Variants in THSD7A observed in about 807,000 individuals in gnomAD.
The protein encoded by THSD7A is thrombospondin type-1 domain-containing protein 7A.
A neutral mutation model predicts 231.3 loss-of-function variants in THSD7A; 96 were observed. The observed-to-expected ratio is 0.41, with a 90% CI of 0.35 to 0.49. The LOEUF (loss-of-function observed/expected upper bound fraction) is 0.49, where lower values mean the gene tolerates loss of function less well. Ranked by LOEUF, THSD7A falls within the 20% of genes least tolerant of loss-of-function variation. The pLI is 0.05. For missense variants in THSD7A, 2,290 were observed against 2,070.2 expected (o/e 1.11, Z -2.06); for synonymous variants, 940 against 743.3 (o/e 1.26, Z -4.30).
chr7:11,672,683 T>A (rs1160295050), intron 1 of THSD7A, among the ~76,000 whole-genome samples: 1 of 152,178 alleles, frequency 6.6e-6, no homozygotes, highest in Non-Finnish European at 1.5e-5. Flanking sequence ...TTGGGAGCAT[T>A]TGAATCATTT....
rs940691747 is a variant in THSD7A, at chr7:11,376,610, C to A, written c.4849G>T (p.Val1617Leu). 7 of 1,588,626 alleles carry A rather than the reference C, an allele frequency of 4.4e-6. No homozygotes were observed. In the African/African-American group the frequency reaches 6.7e-5, roughly 15 times the overall value. The change falls in exon 27 of 28, where the codon GTG becomes TTG. Residue 1617 changes from valine to leucine, a missense_variant. By Grantham distance (32) the Val-to-Leu change is conservative. Coordinates refer to ENST00000423059, the MANE Select transcript of THSD7A (RefSeq NM_015204.3). ...ATGGAGACAATAAAGATGAGTAACA[C>A]AAATGCCCCAGCTGCTACACCGTAA... The part of the protein sequence containing the change: ...WVYGVAAGAF[V>L]LLIFIVSMIY...
chr7:11,682,068 T>G (rs1783890893), intron 1 of THSD7A, among the ~76,000 whole-genome samples: 1 of 152,044 alleles, frequency 6.6e-6, no homozygotes, highest in Non-Finnish European at 1.5e-5. Context: ...AGGGAGTTTG[T>G]TACCATCAGA....
rs1784898997 is a variant in THSD7A at position 11,444,469 on chromosome 7, G to A, written c.3064+1592C>T. Among the ~76,000 whole-genome samples, 1 of 151,786 alleles carries A rather than the reference G, an allele frequency of 6.6e-6. No homozygotes were observed. Among genetic ancestry groups the A allele is most frequent in the South Asian group, 2.1e-4 (1 of 4,820 alleles). ...TATACATCATAAAATGGATGAAGCTGGAAACCGTCATGCCCAGCAAACTAA... is the reference window on the plus strand; with the variant it reads ...TATACATCATAAAATGGATGAAGCTAGAAACCGTCATGCCCAGCAAACTAA... On this transcript the variant is annotated intron_variant, in intron 13 of 27. Transcript: ENST00000423059. This position sits in a 1 kb window ranked among gnomAD's most constrained non-coding sequence, Gnocchi z 4.2.
At chr7:11,713,876 T>C (rs1191652036) in intron 1 of THSD7A, among the ~76,000 whole-genome samples, 2 of 151,280 alleles carry the variant, frequency 1.3e-5, no homozygotes, top group South Asian at 2.1e-4. Flanking sequence ...CTTTTTTCAA[T>C]TGGTGATAAT....
chr7:11,382,793 C>T (rs1481372919), intron 23 of THSD7A, among the ~76,000 whole-genome samples, 177 bp from the exon 24 acceptor site: 1 of 151,940 alleles, frequency 6.6e-6, no homozygotes, highest in Admixed American at 6.6e-5. Flanking sequence ...CTATATACCT[C>T]AATCCCAACT....
At chr7:11,539,034 C>T (rs547893468) in intron 6 of THSD7A, among the ~76,000 whole-genome samples, 3 of 152,266 alleles carry the variant, frequency 2.0e-5, no homozygotes, top group East Asian at 1.9e-4. Flanking sequence ...TGCCCCTAGT[C>T]GAGCTTTAAC....
At chr7:11,790,391 G>A (rs1472120925) in intron 1 of THSD7A, among the ~76,000 whole-genome samples, 1 of 151,784 alleles carries the variant, frequency 6.6e-6, no homozygotes, top group Non-Finnish European at 1.5e-5. Context: ...TCAGAAAAAA[G>A]CAACCAGTTC....
In THSD7A at chr7:11,634,628, T is replaced by C. The variant is rs1191891164; in HGVS notation, c.1022+1502A>G. On this transcript the variant is annotated intron_variant, in intron 2 of 27. Transcript: ENST00000423059. This position sits in a 1 kb window ranked among gnomAD's most constrained non-coding sequence, Gnocchi z 4.1. ...ACACACACATACACACACACACATT[T>C]AAGGAGTTGTAGGAAACCTGGAGAA... Among the ~76,000 whole-genome samples the C allele has an allele frequency of 6.6e-6, 1 of 151,608 alleles. No homozygotes were observed. The highest frequency in any genetic ancestry group is 1.5e-5 in the Non-Finnish European group (1 of 67,852).
intron 11 of THSD7A, among the ~76,000 whole-genome samples, chr7:11,451,836 G>C (rs1275122213): frequency 6.6e-6 from 1 of 151,950 alleles, no homozygotes; most frequent in Non-Finnish European, 1.5e-5. Context: ...TTTTTGAAGA[G>C]GAATGAAATT....
chr7:11,386,346 G>A (rs769915075), intron 23 of THSD7A, among the ~76,000 whole-genome samples: 7 of 152,134 alleles, frequency 4.6e-5, no homozygotes, highest in Non-Finnish European at 1.0e-4. Flanking sequence ...GTGTAAAAGC[G>A]TTCCTGTTTC....
chr7:11,488,202 G>C (rs1359036402), intron 6 of THSD7A, among the ~76,000 whole-genome samples: 2 of 152,038 alleles, frequency 1.3e-5, no homozygotes, highest in Non-Finnish European at 2.9e-5. Flanking sequence ...AATTATTACT[G>C]AGTTTTTGAT....
At chr7:11,499,367 G>T (rs1185691820) in intron 6 of THSD7A, among the ~76,000 whole-genome samples, 1 of 152,188 alleles carries the variant, frequency 6.6e-6, no homozygotes, top group Non-Finnish European at 1.5e-5. Context: ...CTAATAAGAT[G>T]TCTTCCTCTG....
At chr7:11,686,662 G>A (rs1562476623) in intron 1 of THSD7A, among the ~76,000 whole-genome samples, 2 of 151,904 alleles carry the variant, frequency 1.3e-5, no homozygotes, top group Non-Finnish European at 2.9e-5. Flanking sequence ...CATAAAAAGA[G>A]TGAATCATCT....
intron 6 of THSD7A, among the ~76,000 whole-genome samples, chr7:11,489,363 C>T (rs1479356029): frequency 1.3e-5 from 2 of 152,112 alleles, no homozygotes; most frequent in Non-Finnish European, 2.9e-5. Flanking sequence ...CTATAGGCCC[C>T]TGACCTCTTT....
rs182736261 is a variant in THSD7A at position 11,474,445 on chromosome 7, G to A, written c.2141C>T (p.Ser714Leu). ...CCAAGTCGTAGTTGTGTTGAAGGAC[G>A]ATACTGAGGTGTCCTCAATGCACTG... ...WGQCIEDTSV[S>L]SFNTTTTWNG... Residue 714 changes from serine to leucine, a missense_variant, in exon 8 of 28, where the codon TCG becomes TTG. Coordinates refer to ENST00000423059, the MANE Select transcript of THSD7A (RefSeq NM_015204.3). The surrounding 1 kb of genome is among the most constrained non-coding windows in gnomAD (Gnocchi z 4.1). The A allele has an allele frequency of 2.2e-5, 35 of 1,613,570 alleles. No individual in the cohort carries two copies. In the South Asian group the frequency reaches 2.6e-4, roughly 12 times the overall value.
chr7:11,413,207 T>C (rs1783843616), intron 17 of THSD7A, among the ~76,000 whole-genome samples: 1 of 152,082 alleles, frequency 6.6e-6, no homozygotes, highest in Non-Finnish European at 1.5e-5. Context: ...TAGGTGTTAG[T>C]GACTTTCCTT....
At chr7:11,653,963 A>G (rs937747597) in intron 1 of THSD7A, among the ~76,000 whole-genome samples, 1 of 151,760 alleles carries the variant, frequency 6.6e-6, no homozygotes, top group Non-Finnish European at 1.5e-5. Flanking sequence ...TCACAAATAT[A>G]TAATATTATA....
At chr7:11,578,180 A>G (rs1364850205) in intron 4 of THSD7A, among the ~76,000 whole-genome samples, 1 of 152,190 alleles carries the variant, frequency 6.6e-6, no homozygotes, top group Non-Finnish European at 1.5e-5. Context: ...GTTATTTAAA[A>G]AATTCCCTTT....
At position 11,444,395 on chromosome 7, in the gene THSD7A, C is replaced by T. The variant is rs73284711; in HGVS notation, c.3064+1666G>A. ...GTTCACAATAGCAAAGACTCGGAAC[C>T]AACCCAAATGCTCATCAATGATATA... On this transcript the variant is annotated intron_variant, in intron 13 of 27. Transcript: ENST00000423059. The surrounding 1 kb of genome is among the most constrained non-coding windows in gnomAD (Gnocchi z 4.2). 0.15 allele frequency among the ~76,000 whole-genome samples: 23,074 copies of T among 151,994 alleles called. 1,871 individuals carry two copies. The highest frequency in any genetic ancestry group is 0.21 in the African/African-American group (8,515 of 41,450).
Sources: gnomAD v4.1 joint callset for allele counts (sites outside exome capture counted in the v4.1 genomes callset) on GRCh38, gnomAD v4.1.1 for gene constraint, Gnocchi (gnomAD v3.1) non-coding constraint, MANE v1.5 for transcripts, NCBI Gene and HGNC (gene_info 2026-07-23, HGNC 2026-07-21) for gene names.